PAPOLA: variants seen among roughly 807,000 people sequenced by gnomAD.
PAPOLA encodes the protein polynucleotide adenylyltransferase alpha.
A neutral mutation model predicts 100.6 loss-of-function variants in PAPOLA; 15 were observed. The observed-to-expected ratio is 0.15, with a 90% CI of 0.10 to 0.23. The LOEUF (loss-of-function observed/expected upper bound fraction) is 0.23. Among genes scored for constraint, PAPOLA ranks in the 10% least tolerant of loss-of-function variants. PAPOLA has a pLI of 1.00. For missense variants in PAPOLA, 533 were observed against 884.2 expected, an observed-to-expected ratio of 0.60 and a Z score of 5.04; for synonymous variants, 293 against 300.0, an observed-to-expected ratio of 0.98 and a Z score of 0.24.
chr14:96,556,169 G>C lies in PAPOLA; in HGVS notation c.1766-6G>C. ...ATTTGTATATACTCATATATTTGCT[G>C]CTTAGGTACATCGAGTGAAAGCATT... On this transcript the variant is annotated splice_region_variant and splice_polypyrimidine_tract_variant and intron_variant, in intron 18 of 21. Coordinates refer to ENST00000216277, the MANE Select transcript of PAPOLA (RefSeq NM_032632.5). 6.2e-7 allele frequency: 1 copy of C among 1,606,770 alleles called. No individual in the cohort carries two copies. The highest frequency in any genetic ancestry group is 1.1e-5 in the South Asian group (1 of 90,918).
At chr14:96,561,617 G>A (rs2140339357) in intron 20 of PAPOLA, among the ~76,000 whole-genome samples, 1 of 152,072 alleles carries the variant, frequency 6.6e-6, no homozygotes, top group Non-Finnish European at 1.5e-5. Context: ...CTGTAATATT[G>A]GTTACAGCTA....
chr14:96,546,963 A>G (rs1429563728), intron 15 of PAPOLA, among the ~76,000 whole-genome samples: 1 of 152,116 alleles, frequency 6.6e-6, no homozygotes, highest in Non-Finnish European at 1.5e-5. Context: ...CCTCATGTTC[A>G]TTTAAATCTT....
chr14:96,519,951 C>A, intron 1 of PAPOLA, 104 bp from the exon 2 acceptor site: 1 of 958,310 alleles, frequency 1.0e-6, no homozygotes, highest in Non-Finnish European at 1.5e-6. Flanking sequence ...GGGAACCAAT[C>A]ATGTTTAGAA....
rs765584595 is a variant in PAPOLA, at chr14:96,552,617, T to C, written c.1659T>C (p.Ser553=). ...GTCCATTGAACAGTTCTGGCAGCTCTCAGGGGTAAGGAAAAAGAGGGAAAT... is the reference window on the plus strand; with the variant it reads ...GTCCATTGAACAGTTCTGGCAGCTCCCAGGGGTAAGGAAAAAGAGGGAAAT... ...KTSPLNSSGS[S]QGRNSPAPAV... Residue 553 remains serine, a synonymous_variant, in exon 17 of 22, where the codon TCT becomes TCC. Coordinates refer to ENST00000216277, the MANE Select transcript of PAPOLA (RefSeq NM_032632.5). The C allele has an allele frequency of 1.2e-6, 2 of 1,612,152 alleles. No individual in the cohort carries two copies. The highest frequency in any genetic ancestry group is 8.5e-7 in the Non-Finnish European group (1 of 1,179,286).
intron 12 of PAPOLA, chr14:96,537,604 A>AT (rs931865135): frequency 2.6e-5 from 4 of 153,448 alleles, no homozygotes; most frequent in African/African-American, 4.8e-5. Flanking sequence ...GGTGTTAATC[A>AT]TTTTAATTAA....
intron 3 of PAPOLA, among the ~76,000 whole-genome samples, chr14:96,524,516 T>TCTTCCC (rs1189506909): frequency 3.3e-5 from 5 of 149,946 alleles, no homozygotes; most frequent in African/African-American, 1.2e-4. Context: ...CTTCTTCCCC[T>TCTTCCC]CTTCCCCTTC....
chr14:96,536,187 T>C (rs1409877494), intron 11 of PAPOLA, among the ~76,000 whole-genome samples, 188 bp downstream of exon 11: 1 of 152,176 alleles, frequency 6.6e-6, no homozygotes, highest in Non-Finnish European at 1.5e-5. Flanking sequence ...GCAATTTGTT[T>C]TTTATAACAA....
rs189692753 is a variant in PAPOLA at position 96,530,242 on chromosome 14, A to G, written c.496-1233A>G. 3.0e-3 allele frequency among the ~76,000 whole-genome samples: 461 copies of G among 152,306 alleles called. 18 individuals carry two copies. In the South Asian group the frequency reaches 0.082, roughly 27 times the overall value. ...GCTAAACAGTTAACTTTAATTCAGCATATGTATTTACTAGACTTACTATAT... is the reference window on the plus strand; with the variant it reads ...GCTAAACAGTTAACTTTAATTCAGCGTATGTATTTACTAGACTTACTATAT... On this transcript the variant is annotated intron_variant, in intron 6 of 21. Coordinates refer to ENST00000216277, the MANE Select transcript of PAPOLA (RefSeq NM_032632.5).
chr14:96,559,550 C>CCT (rs66829530), intron 19 of PAPOLA, among the ~76,000 whole-genome samples: 15,155 of 118,192 alleles, frequency 0.13, 1,188 homozygotes, highest in East Asian at 0.37. Flanking sequence ...GCTAAATTAA[C>CCT]CTCTCTCTCT....
At chr14:96,532,793 G>T in intron 9 of PAPOLA, 144 bp downstream of exon 9, 2 of 1,353,534 alleles carry the variant, frequency 1.5e-6, no homozygotes, top group East Asian at 2.8e-5. Context: ...ATCACATTGT[G>T]TATAAAATGG....
chr14:96,558,188 G>A (rs1433898010), intron 19 of PAPOLA, among the ~76,000 whole-genome samples: 1 of 151,960 alleles, frequency 6.6e-6, no homozygotes, highest in African/African-American at 2.4e-5. Flanking sequence ...AGATTTTAGG[G>A]CTTTCTCCAA....
chr14:96,547,930 A>G lies in PAPOLA; in HGVS notation c.1521+12A>G. 5.7e-6 allele frequency: 9 copies of G among 1,590,560 alleles called. No homozygotes were observed. The highest frequency in any genetic ancestry group is 1.7e-4 in the Middle Eastern group (1 of 5,846). On this transcript the variant is annotated intron_variant, in intron 16 of 21. Transcript: ENST00000216277. The stretch of plus-strand genomic sequence containing the variant: ...AGAAAAAGAAAAAGGTAAATTTAGA[A>G]AGTACTTACAAAAGCATTACTAACA...
intron 16 of PAPOLA, among the ~76,000 whole-genome samples, chr14:96,550,808 G>A (rs911290047): frequency 2.6e-5 from 4 of 152,186 alleles, no homozygotes; most frequent in African/African-American, 4.8e-5. Context: ...AATAACAAGT[G>A]TCTAGGAGTC....
chr14:96,544,825 C>G (rs1900260239), intron 15 of PAPOLA, among the ~76,000 whole-genome samples: 1 of 151,952 alleles, frequency 6.6e-6, no homozygotes, highest in East Asian at 1.9e-4. Flanking sequence ...TTGTGATGAC[C>G]TGGAGAAATT....
chr14:96,550,590 C>A (rs1157141770), intron 16 of PAPOLA, among the ~76,000 whole-genome samples: 2 of 152,160 alleles, frequency 1.3e-5, no homozygotes, highest in Non-Finnish European at 1.5e-5. Context: ...TTACCACATA[C>A]ATATTTTTAA....
intron 6 of PAPOLA, among the ~76,000 whole-genome samples, chr14:96,528,216 A>G (rs1898664714): frequency 2.0e-5 from 3 of 152,260 alleles, no homozygotes; most frequent in African/African-American, 7.2e-5. Flanking sequence ...TTGGAGCTAA[A>G]ACAGAAGTAA....
chr14:96,520,819 A>G (rs1897894903), intron 2 of PAPOLA, 187 bp from the exon 3 acceptor site: 2 of 457,234 alleles, frequency 4.4e-6, no homozygotes, highest in Non-Finnish European at 4.1e-6. Flanking sequence ...CAGTGCCTGT[A>G]TATATATATA....
At chr14:96,508,413 G>A (rs61570427) in intron 1 of PAPOLA, among the ~76,000 whole-genome samples, 39,153 of 152,060 alleles carry the variant, frequency 0.26, 5,537 homozygotes, top group African/African-American at 0.39. Context: ...GTGGTGTTCT[G>A]CCTTAAACAT....
intron 12 of PAPOLA, among the ~76,000 whole-genome samples, chr14:96,539,816 TTAAAAA>T (rs1248632519): frequency 6.6e-6 from 1 of 152,142 alleles, no homozygotes; most frequent in Non-Finnish European, 1.5e-5. Flanking sequence ...GTTTTAAAAA[TTAAAAA>T]TAGAGATATT....
Sources: gnomAD v4.1 joint callset for allele counts (sites outside exome capture counted in the v4.1 genomes callset) on GRCh38, gnomAD v4.1.1 for gene constraint, MANE v1.5 for transcripts, NCBI Gene and HGNC (gene_info 2026-07-23, HGNC 2026-07-21) for gene names.